MALRD1: variants seen among roughly 807,000 people sequenced by gnomAD.
MALRD1 encodes MAM and LDL-receptor class A domain-containing protein 1.
In MALRD1, 247 loss-of-function variants were observed where a neutral mutation model predicts 242.1. The observed-to-expected ratio is 1.02, with a 90% CI of 0.92 to 1.13. MALRD1 has a LOEUF of 1.13. Among genes scored for constraint, MALRD1 ranks in the 50% most tolerant of loss-of-function variants. The pLI, the probability that MALRD1 is intolerant of heterozygous loss-of-function variation, is 0.00. For synonymous variants in MALRD1, 995 were observed against 866.6 expected (o/e 1.15, Z -2.60); for missense variants, 2,989 against 2,533.1 (o/e 1.18, Z -3.86).
chr10:19,493,485 G>A (rs1837578301), intron 30 of MALRD1, among the ~76,000 whole-genome samples: 1 of 151,892 alleles, frequency 6.6e-6, no homozygotes, highest in South Asian at 2.1e-4. Flanking sequence ...AGTTCACTGA[G>A]TAACACTTTC....
At chr10:19,681,882 A>G (rs1464318327) in intron 36 of MALRD1, among the ~76,000 whole-genome samples, 2 of 136,818 alleles carry the variant, frequency 1.5e-5, no homozygotes, top group Non-Finnish European at 3.1e-5. Context: ...TTTTTGAGAC[A>G]GAGTCTTGCT....
At chr10:19,335,941 C>T (rs1308146202) in intron 24 of MALRD1, among the ~76,000 whole-genome samples, 2 of 152,126 alleles carry the variant, frequency 1.3e-5, no homozygotes, top group African/African-American at 2.4e-5. Context: ...TCTCCTAATG[C>T]TGTCCCTCCC....
intron 21 of MALRD1, among the ~76,000 whole-genome samples, chr10:19,320,571 T>G (rs1333422544): frequency 6.6e-6 from 1 of 152,166 alleles, no homozygotes; most frequent in Non-Finnish European, 1.5e-5. Flanking sequence ...TTTATATTCC[T>G]TTGGGTAAAT....
chr10:19,710,136 G>A (rs899987896), intron 38 of MALRD1, among the ~76,000 whole-genome samples: 4 of 152,044 alleles, frequency 2.6e-5, no homozygotes, highest in African/African-American at 9.7e-5. Flanking sequence ...CAAGCAGAGG[G>A]ACTGTGCTCA....
At chr10:19,566,403 T>A (rs940096668) in intron 32 of MALRD1, among the ~76,000 whole-genome samples, 8 of 149,764 alleles carry the variant, frequency 5.3e-5, no homozygotes, top group African/African-American at 2.0e-4. Flanking sequence ...CCTCCCAAAG[T>A]GCTGGGATTA....
intron 38 of MALRD1, among the ~76,000 whole-genome samples, chr10:19,716,293 A>T (rs113301828): frequency 2.6e-5 from 4 of 152,258 alleles, no homozygotes; most frequent in African/African-American, 9.6e-5. Flanking sequence ...CTGGGAGGTG[A>T]TTGAATCATG....
At chr10:19,543,894 T>C (rs1835092919) in intron 32 of MALRD1, among the ~76,000 whole-genome samples, 1 of 152,132 alleles carries the variant, frequency 6.6e-6, no homozygotes, top group Non-Finnish European at 1.5e-5. Context: ...CCAAATAAAC[T>C]CTCTACTTAA....
In MALRD1 at chr10:19,347,928, C is replaced by T; in HGVS notation, c.4059C>T (p.Tyr1353=). 1.9e-6 allele frequency: 3 copies of T among 1,550,310 alleles called. No homozygotes were observed. Among genetic ancestry groups the T allele is most frequent in the Non-Finnish European group, 1.7e-6 (2 of 1,146,816 alleles). Reference sequence around the variant, plus strand: ...CTTTGGGAAATTCATCTGGTCATTACATCTTTATAAAGAGTTTGTTTCCTC... The same window carrying T: ...CTTTGGGAAATTCATCTGGTCATTATATCTTTATAAAGAGTTTGTTTCCTC... ...DHTLGNSSGH[Y]IFIKSLFPQQ... is the part of the protein sequence containing the mutation. The change falls in exon 25 of 40, where the codon TAC becomes TAT. Residue 1353 remains tyrosine, a synonymous_variant. Transcript: ENST00000454679.
At chr10:19,625,823 AG>A (rs1055240185) in intron 36 of MALRD1, among the ~76,000 whole-genome samples, 2 of 152,180 alleles carry the variant, frequency 1.3e-5, no homozygotes, top group Non-Finnish European at 2.9e-5. Flanking sequence ...ATTTAACATC[AG>A]CTAAATCATC....
chr10:19,602,524 C>A (rs1017401766), intron 34 of MALRD1, among the ~76,000 whole-genome samples: 1 of 151,752 alleles, frequency 6.6e-6, no homozygotes, highest in Non-Finnish European at 1.5e-5. Flanking sequence ...AGGACATGAA[C>A]TCATCATTTT....
At chr10:19,554,721 T>C (rs955809374) in intron 32 of MALRD1, among the ~76,000 whole-genome samples, 2 of 152,176 alleles carry the variant, frequency 1.3e-5, no homozygotes, top group Non-Finnish European at 2.9e-5. Context: ...AAGGACATGA[T>C]CTTGTTCCTT....
intron 5 of MALRD1, among the ~76,000 whole-genome samples, chr10:19,118,988 C>T (rs1339397673): frequency 6.6e-6 from 1 of 152,052 alleles, no homozygotes; most frequent in African/African-American, 2.4e-5. Flanking sequence ...GACAGAAAGA[C>T]AAATTAAGAA....
intron 33 of MALRD1, among the ~76,000 whole-genome samples, chr10:19,580,879 A>C (rs960754557): frequency 9.2e-5 from 14 of 152,038 alleles, no homozygotes; most frequent in Non-Finnish European, 1.6e-4. Flanking sequence ...TATACTACAC[A>C]CACTCTGTGT....
At chr10:19,271,288 A>G (rs1407714559) in intron 19 of MALRD1, among the ~76,000 whole-genome samples, 1 of 152,190 alleles carries the variant, frequency 6.6e-6, no homozygotes, top group Non-Finnish European at 1.5e-5. Context: ...CATTAACACT[A>G]ATGAATTAAA....
chr10:19,688,631 A>T (rs1842697416), intron 36 of MALRD1, among the ~76,000 whole-genome samples: 2 of 152,184 alleles, frequency 1.3e-5, no homozygotes, highest in Non-Finnish European at 2.9e-5. Flanking sequence ...TAGTTAGTGC[A>T]GACAGGATTT....
chr10:19,413,562 TG>T (rs1833367303), intron 28 of MALRD1, among the ~76,000 whole-genome samples: 1 of 89,482 alleles, frequency 1.1e-5, no homozygotes, highest in Admixed American at 9.8e-5. Flanking sequence ...CTTTTAATCA[TG>T]AAAAAAAAAG....
chr10:19,240,433 A>AAG (rs758709971), intron 18 of MALRD1, among the ~76,000 whole-genome samples: 9 of 151,958 alleles, frequency 5.9e-5, no homozygotes, highest in Non-Finnish European at 7.4e-5. Context: ...AAGAACCTTA[A>AAG]AGAGAGAGAG....
intron 21 of MALRD1, among the ~76,000 whole-genome samples, chr10:19,286,539 A>G (rs1841129415): frequency 6.6e-6 from 1 of 152,168 alleles, no homozygotes; most frequent in Admixed American, 6.5e-5. Context: ...GGCTCTGTTT[A>G]TATGCTACAC....
chr10:19,287,791 C>T (rs2499063), intron 21 of MALRD1, among the ~76,000 whole-genome samples: 47,296 of 151,894 alleles, frequency 0.31, 7,579 homozygotes, highest in South Asian at 0.4. Flanking sequence ...TCTCAGAACT[C>T]ATTCCCGTCA....
Sources: gnomAD v4.1 joint callset for allele counts (sites outside exome capture counted in the v4.1 genomes callset) on GRCh38, gnomAD v4.1.1 for gene constraint, MANE v1.5 for transcripts, NCBI Gene and HGNC (gene_info 2026-07-23, HGNC 2026-07-21) for gene names.